The following OR2L13 variants were observed in gnomAD, a reference collection of about 807,000 sequenced individuals.
OR2L13 encodes the protein olfactory receptor family 2 subfamily L member 13, also known as olfactory receptor 2L13.
A neutral mutation model predicts 15.3 loss-of-function variants in OR2L13; 14 were observed. That is an observed-to-expected ratio of 0.91 (90% CI 0.60 to 1.43). The LOEUF (loss-of-function observed/expected upper bound fraction) is 1.43. OR2L13 is among the 40% of genes most tolerant of loss of function. The pLI is 0.00. For synonymous variants in OR2L13, 152 were observed against 142.9 expected, an observed-to-expected ratio of 1.06 and a Z score of -0.45; for missense variants, 367 against 387.9, an observed-to-expected ratio of 0.95 and a Z score of 0.45.
the OR2L13 span, among the ~76,000 whole-genome samples, chr1:248,026,549 A>G: frequency 6.6e-6 from 1 of 152,336 alleles, no homozygotes; most frequent in East Asian, 1.9e-4. Context: ...TTCAGACACA[A>G]AAAGAAAAAT....
At chr1:247,948,920 A>C in the OR2L13 span, 1 of 1,613,724 alleles carries the variant, frequency 6.2e-7, no homozygotes, top group Non-Finnish European at 8.5e-7. Context: ...CACCATCAAG[A>C]ATTGACCTTT....
the OR2L13 span, among the ~76,000 whole-genome samples, chr1:248,052,339 G>A: frequency 6.6e-6 from 1 of 152,158 alleles, no homozygotes; most frequent in South Asian, 2.1e-4. Flanking sequence ...GTATATGAGA[G>A]GCTATTTCTT....
At chr1:248,058,389 C>A in the OR2L13 span, among the ~76,000 whole-genome samples, 2 of 152,126 alleles carry the variant, frequency 1.3e-5, no homozygotes, top group East Asian at 3.9e-4. Flanking sequence ...CCGTCATCAC[C>A]CCCAGGTTCC....
At chr1:248,010,166 G>A in the OR2L13 span, among the ~76,000 whole-genome samples, 1 of 152,048 alleles carries the variant, frequency 6.6e-6, no homozygotes, top group African/African-American at 2.4e-5. Flanking sequence ...TAGTGGCCAA[G>A]GCAATCAGGC....
the OR2L13 span, chr1:248,039,006 G>C: frequency 1.9e-6 from 3 of 1,614,092 alleles, no homozygotes; most frequent in Non-Finnish European, 2.5e-6. Context: ...CCTCACTGTA[G>C]TGTCCTTCTA....
At chr1:247,994,006 A>G in the OR2L13 span, among the ~76,000 whole-genome samples, 5 of 152,094 alleles carry the variant, frequency 3.3e-5, no homozygotes, top group African/African-American at 1.2e-4. Flanking sequence ...TTGGCATCTT[A>G]AAGGTCCTGT....
chr1:248,082,554 T>C, the OR2L13 span, among the ~76,000 whole-genome samples: 12 of 152,210 alleles, frequency 7.9e-5, no homozygotes, highest in Admixed American at 2.6e-4. Flanking sequence ...ACAGGAAATA[T>C]AGCCTTTATC....
At chr1:248,022,054 T>A in the OR2L13 span, 1 of 1,613,908 alleles carries the variant, frequency 6.2e-7, no homozygotes, top group Non-Finnish European at 8.5e-7. Flanking sequence ...ATTTTCCTAA[T>A]GGCTCTAATT....
At chr1:248,048,294 C>T in the OR2L13 span, among the ~76,000 whole-genome samples, 56 of 152,140 alleles carry the variant, frequency 3.7e-4, no homozygotes, top group Non-Finnish European at 5.7e-4. Context: ...TGTGGTTCTC[C>T]AACTTCATAC....
chr1:248,038,179 C>A, the OR2L13 span: 1 of 926,380 alleles, frequency 1.1e-6, no homozygotes, highest in South Asian at 1.6e-5. Flanking sequence ...CACTGGGAGT[C>A]TTGTAATGCA....
the OR2L13 span, among the ~76,000 whole-genome samples, chr1:247,976,118 C>A: frequency 1.3e-5 from 2 of 151,992 alleles, no homozygotes; most frequent in Non-Finnish European, 2.9e-5. Context: ...AAATTTACCT[C>A]AGGATAAATA....
chr1:247,999,608 A>G, the OR2L13 span, among the ~76,000 whole-genome samples: 3 of 152,264 alleles, frequency 2.0e-5, no homozygotes, highest in East Asian at 3.9e-4. Flanking sequence ...AGGAGAATCT[A>G]TTGTGGAGGA....
At chr1:248,095,607 C>CTTTTTT (rs780686820), upstream of OR2L13, among the ~76,000 whole-genome samples, 93 of 37,306 alleles carry the variant, frequency 2.5e-3, 34 homozygotes, top group East Asian at 0.01. Context: ...AAAGCTGCTG[C>CTTTTTT]TTTTTTTTTT....
the OR2L13 span, among the ~76,000 whole-genome samples, chr1:248,050,561 A>C: frequency 6.6e-6 from 1 of 152,120 alleles, no homozygotes; most frequent in Non-Finnish European, 1.5e-5. Context: ...GTCATAAAAC[A>C]TGGCATTAAC....
chr1:248,100,009 G>T, exon 3 of OR2L13: 1 of 1,614,024 alleles, frequency 6.2e-7, no homozygotes, highest in Middle Eastern at 1.6e-4. Context: ...CCCTTTCATT[G>T]GCATCACTTC....
At chr1:248,033,609 GTT>G in the OR2L13 span, among the ~76,000 whole-genome samples, 9,324 of 136,164 alleles carry the variant, frequency 0.068, 350 homozygotes, top group East Asian at 0.17. Flanking sequence ...GCTAATTTTT[GTT>G]TTTTTTTTTT....
the OR2L13 span, among the ~76,000 whole-genome samples, chr1:248,036,402 C>T: frequency 6.6e-6 from 1 of 152,266 alleles, no homozygotes; most frequent in Non-Finnish European, 1.5e-5. Context: ...GATTTTATAA[C>T]ATATCATAGA....
the OR2L13 span, chr1:248,023,079 T>C: frequency 1.9e-6 from 1 of 517,212 alleles, no homozygotes; most frequent in South Asian, 3.8e-5. Flanking sequence ...GTGTTTCTTT[T>C]TATCAAAAGA....
the OR2L13 span, among the ~76,000 whole-genome samples, chr1:247,964,245 A>G: frequency 2.0e-5 from 3 of 152,092 alleles, no homozygotes; most frequent in Non-Finnish European, 4.4e-5. Flanking sequence ...GTGTCATCTT[A>G]CTGCAGTGTG....
Sources: allele counts gnomAD v4.1 joint callset (sites outside exome capture counted in the v4.1 genomes callset), GRCh38; gene constraint gnomAD v4.1.1; transcripts MANE v1.5; gene names NCBI Gene and HGNC (gene_info 2026-07-23, HGNC 2026-07-21).